Variants in DLC1 observed in about 807,000 individuals in gnomAD.
The protein encoded by DLC1 is DLC1 Rho GTPase activating protein.
A neutral mutation model predicts 140.3 loss-of-function variants in DLC1; 54 were observed. The observed-to-expected ratio is 0.38, with a 90% confidence interval of 0.31 to 0.48. The LOEUF is 0.48. Ranked by LOEUF, DLC1 falls within the 20% of genes least tolerant of loss-of-function variation. The pLI is 0.96. For missense variants in DLC1, 2,536 were observed against 1,907.0 expected, an observed-to-expected ratio of 1.33 and a Z score of -6.14; for synonymous variants, 986 against 728.1, an observed-to-expected ratio of 1.35 and a Z score of -5.70.
At chr8:13,132,249 G>A (rs1264003040) in intron 5 of DLC1, among the ~76,000 whole-genome samples, 1 of 148,770 alleles carries the variant, frequency 6.7e-6, no homozygotes, top group Non-Finnish European at 1.5e-5. Flanking sequence ...GTGTTTCCTA[G>A]CAAGAAGCAC....
chr8:13,196,093 G>A (rs1483990035), intron 5 of DLC1, among the ~76,000 whole-genome samples: 2 of 81,954 alleles, frequency 2.4e-5, no homozygotes, highest in South Asian at 6.0e-4. Flanking sequence ...ATTCTGTATT[G>A]ATACACACAC....
intron 5 of DLC1, among the ~76,000 whole-genome samples, chr8:13,251,852 T>C (rs1207417081): frequency 2.0e-5 from 3 of 152,186 alleles, no homozygotes; most frequent in Admixed American, 1.3e-4. Flanking sequence ...ATAATAATTA[T>C]TATTAGAGAC....
chr8:13,180,500 C>G (rs1248661376), intron 5 of DLC1, among the ~76,000 whole-genome samples: 1 of 151,914 alleles, frequency 6.6e-6, no homozygotes, highest in African/African-American at 2.4e-5. Context: ...TATTATAAAT[C>G]CCAAACTAAG....
At chr8:13,307,770 T>A (rs1832509192) in intron 4 of DLC1, among the ~76,000 whole-genome samples, 1 of 152,224 alleles carries the variant, frequency 6.6e-6, no homozygotes, top group African/African-American at 2.4e-5. Context: ...ATTCACCACA[T>A]CTTTAGAACA....
At chr8:13,190,134 C>T (rs918162529) in intron 5 of DLC1, among the ~76,000 whole-genome samples, 6 of 152,118 alleles carry the variant, frequency 3.9e-5, no homozygotes, top group African/African-American at 1.4e-4. Flanking sequence ...GGCAGGTAAA[C>T]GATGTAAAGA....
intron 12 of DLC1, among the ~76,000 whole-genome samples, chr8:13,093,763 C>T (rs1375609889): frequency 3.3e-5 from 5 of 152,144 alleles, no homozygotes; most frequent in Non-Finnish European, 7.3e-5. Flanking sequence ...CTCCATTTCT[C>T]ATAAAATAAA....
At chr8:13,474,851 G>A (rs1800371259) in intron 2 of DLC1, among the ~76,000 whole-genome samples, 1 of 152,184 alleles carries the variant, frequency 6.6e-6, no homozygotes, top group South Asian at 2.1e-4. Flanking sequence ...AATCCTCATT[G>A]TATCTAGGAA....
chr8:13,180,921 G>A lies in DLC1; in HGVS notation c.1349-65264C>T, dbSNP rs1585854168. On this transcript the variant is annotated intron_variant, in intron 5 of 17. Transcript: ENST00000276297. The stretch of plus-strand genomic sequence containing the variant: ...TTTTTAATTTTTATTTTCTTATTCA[G>A]AATTTCTACTTCTTACTCATTGGTT... Among the ~76,000 whole-genome samples the A allele has an allele frequency of 2.0e-5, 3 of 151,902 alleles. No homozygotes were observed. The South Asian group carries it at 6.2e-4, about 32-fold the overall frequency.
At chr8:13,115,428 T>C (rs1820464602) in intron 6 of DLC1, among the ~76,000 whole-genome samples, 158 bp downstream of exon 6, 1 of 151,956 alleles carries the variant, frequency 6.6e-6, no homozygotes, top group Non-Finnish European at 1.5e-5. Context: ...TGCTAGCTTT[T>C]GTTTTCAGCG....
intron 5 of DLC1, among the ~76,000 whole-genome samples, chr8:13,286,197 C>G (rs912415338): frequency 2.0e-5 from 3 of 152,098 alleles, no homozygotes; most frequent in Non-Finnish European, 2.9e-5. Flanking sequence ...GAAAAATTCT[C>G]TAACCAAAGC....
At chr8:13,516,169 G>C (rs575492424), upstream of DLC1, among the ~76,000 whole-genome samples, 6 of 151,552 alleles carry the variant, frequency 4.0e-5, no homozygotes, top group African/African-American at 1.5e-4. Context: ...CATTTTTTTG[G>C]GGGGGGACTG....
intron 4 of DLC1, among the ~76,000 whole-genome samples, chr8:13,361,557 C>T (rs939362404): frequency 1.3e-5 from 2 of 152,108 alleles, no homozygotes; most frequent in Non-Finnish European, 2.9e-5. Context: ...TGAGCCACCA[C>T]GCCCTGCTCC....
At chr8:13,236,002 TTAAGA>T (rs1563187204) in intron 5 of DLC1, among the ~76,000 whole-genome samples, 1 of 151,956 alleles carries the variant, frequency 6.6e-6, no homozygotes, top group Non-Finnish European at 1.5e-5. Flanking sequence ...AAAACTATAA[TTAAGA>T]TATTAACCAA....
chr8:13,219,873 C>G (rs901582140), intron 5 of DLC1, among the ~76,000 whole-genome samples: 1 of 152,140 alleles, frequency 6.6e-6, no homozygotes, highest in Non-Finnish European at 1.5e-5. Context: ...ACATGCTACA[C>G]ACATGGATGA....
At chr8:13,541,475 AC>A (rs1803481936) in intron 1 of DLC1, among the ~76,000 whole-genome samples, 1 of 152,136 alleles carries the variant, frequency 6.6e-6, no homozygotes, top group Admixed American at 6.5e-5. Flanking sequence ...AACTGTAGTC[AC>A]CCTAGTAAAT....
At chr8:13,178,933 T>C (rs763736131) in intron 5 of DLC1, among the ~76,000 whole-genome samples, 10 of 152,190 alleles carry the variant, frequency 6.6e-5, no homozygotes, top group East Asian at 1.9e-4. Context: ...ATTTACCAAA[T>C]AGAAATGTGT....
At chr8:13,409,104 G>A (rs947279186) in intron 2 of DLC1, among the ~76,000 whole-genome samples, 7 of 151,792 alleles carry the variant, frequency 4.6e-5, no homozygotes, top group Middle Eastern at 6.8e-3. Flanking sequence ...ACTGGCCTCC[G>A]AATGTCAATC....
At chr8:13,377,844 T>G (rs1048049054) in intron 4 of DLC1, among the ~76,000 whole-genome samples, 4 of 151,960 alleles carry the variant, frequency 2.6e-5, no homozygotes, top group East Asian at 3.9e-4. Flanking sequence ...GCCTCCTATT[T>G]CGAGTCTTGT....
intron 1 of DLC1, among the ~76,000 whole-genome samples, chr8:13,554,043 G>A (rs1182969969): frequency 6.6e-6 from 1 of 151,778 alleles, no homozygotes; most frequent in Non-Finnish European, 1.5e-5. Flanking sequence ...TCCTCCCATG[G>A]CTATATGCTC....
Sources: gnomAD v4.1 joint callset for allele counts (sites outside exome capture counted in the v4.1 genomes callset) on GRCh38, gnomAD v4.1.1 for gene constraint, MANE v1.5 for transcripts, NCBI Gene and HGNC (gene_info 2026-07-23, HGNC 2026-07-21) for gene names.